Variants in ERBB4 observed in about 807,000 individuals in gnomAD.
The protein encoded by ERBB4 is receptor tyrosine-protein kinase erbB-4.
In ERBB4, 42 loss-of-function variants were observed where a neutral mutation model predicts 158.0. That is an observed-to-expected ratio of 0.27 (90% CI 0.21 to 0.34). The LOEUF (loss-of-function observed/expected upper bound fraction) is 0.34, where lower values mean the gene tolerates loss of function less well. ERBB4 is among the 10% of genes least tolerant of loss of function. ERBB4 has a pLI of 1.00. For missense variants in ERBB4, 1,333 were observed against 1,624.1 expected, an observed-to-expected ratio of 0.82 and a Z score of 3.08; for synonymous variants, 583 against 558.7, an observed-to-expected ratio of 1.04 and a Z score of -0.61.
intron 1 of ERBB4, among the ~76,000 whole-genome samples, chr2:212,240,253 C>T (rs540932742): frequency 1.2e-4 from 18 of 152,224 alleles, no homozygotes; most frequent in African/African-American, 4.3e-4. Context: ...AAAAACGTCA[C>T]TCTCACCTTC....
chr2:211,861,080 AT>A (rs1260249688), intron 3 of ERBB4, among the ~76,000 whole-genome samples: 1,355 of 52,852 alleles, frequency 0.026, 189 homozygotes, highest in African/African-American at 0.042. Context: ...ATATTTATAT[AT>A]TATAAAATAT....
intron 1 of ERBB4, among the ~76,000 whole-genome samples, chr2:212,210,062 T>C (rs1262626002): frequency 1.3e-5 from 2 of 152,088 alleles, no homozygotes; most frequent in Non-Finnish European, 2.9e-5. Flanking sequence ...AAGGACATAC[T>C]GGACACTCTT....
intron 3 of ERBB4, among the ~76,000 whole-genome samples, chr2:211,813,826 C>T (rs1000100479): frequency 9.2e-5 from 14 of 152,128 alleles, no homozygotes; most frequent in African/African-American, 3.4e-4. Context: ...CTTTAAACGA[C>T]TCTCAAAATT....
chr2:212,344,340 C>G (rs966601646), intron 1 of ERBB4, among the ~76,000 whole-genome samples: 1 of 152,034 alleles, frequency 6.6e-6, no homozygotes, highest in African/African-American at 2.4e-5. Flanking sequence ...CCTCCTCTAC[C>G]CAGTTGCGAC....
intron 2 of ERBB4, among the ~76,000 whole-genome samples, chr2:212,059,024 T>C (rs981997401): frequency 5.3e-5 from 8 of 152,328 alleles, no homozygotes; most frequent in Admixed American, 3.3e-4. Context: ...GATGACATGA[T>C]TGTATATTTA....
At chr2:211,601,517 T>C (rs2068800093) in intron 19 of ERBB4, among the ~76,000 whole-genome samples, 1 of 151,662 alleles carries the variant, frequency 6.6e-6, no homozygotes, top group African/African-American at 2.4e-5. Context: ...CCAACTTTCA[T>C]TGCTTGGAAA....
At chr2:212,098,594 A>C (rs1035316050) in intron 2 of ERBB4, among the ~76,000 whole-genome samples, 2 of 152,158 alleles carry the variant, frequency 1.3e-5, no homozygotes, top group Non-Finnish European at 2.9e-5. Flanking sequence ...AAGACCTGCT[A>C]GTCCCTTGGG....
At chr2:211,677,742 C>T (rs530192317) in intron 13 of ERBB4, among the ~76,000 whole-genome samples, 322 of 151,900 alleles carry the variant, frequency 2.1e-3, no homozygotes, top group African/African-American at 7.5e-3. Flanking sequence ...GGCGTGGTGG[C>T]GGGCGCCTGT....
chr2:211,888,857 G>T (rs1334423279), intron 3 of ERBB4, among the ~76,000 whole-genome samples: 3 of 151,688 alleles, frequency 2.0e-5, no homozygotes, highest in South Asian at 2.1e-4. Context: ...AAAAAACGGC[G>T]AACCATGAGA....
intron 19 of ERBB4, among the ~76,000 whole-genome samples, chr2:211,580,820 TA>T (rs2068058504): frequency 2.5e-5 from 1 of 40,306 alleles, no homozygotes; most frequent in African/African-American, 4.7e-5. Context: ...ATAATATATA[TA>T]TATTATATAT....
At chr2:211,939,413 T>C (rs2080422198) in intron 3 of ERBB4, among the ~76,000 whole-genome samples, 1 of 151,410 alleles carries the variant, frequency 6.6e-6, no homozygotes, top group Non-Finnish European at 1.5e-5. Context: ...TGAAAGGAAC[T>C]GAAAGCAGTT....
At chr2:212,147,058 T>C (rs1301520045) in intron 1 of ERBB4, among the ~76,000 whole-genome samples, 1 of 145,762 alleles carries the variant, frequency 6.9e-6, no homozygotes, top group East Asian at 2.0e-4. Context: ...TGGCAGGATC[T>C]TGGTTCACTG....
intron 3 of ERBB4, among the ~76,000 whole-genome samples, chr2:211,795,837 C>T (rs1482152381): frequency 6.6e-6 from 1 of 151,708 alleles, no homozygotes; most frequent in Non-Finnish European, 1.5e-5. Flanking sequence ...AGTATTCATT[C>T]TGGGTGATCA....
chr2:211,622,384 G>C (rs1181984438), intron 18 of ERBB4, among the ~76,000 whole-genome samples: 1 of 151,982 alleles, frequency 6.6e-6, no homozygotes, highest in African/African-American at 2.4e-5. Flanking sequence ...TCAAATTTTT[G>C]TCAAATTAAG....
intron 20 of ERBB4, among the ~76,000 whole-genome samples, chr2:211,501,599 A>AATGT (rs2065618456): frequency 6.6e-6 from 1 of 151,950 alleles, no homozygotes; most frequent in Non-Finnish European, 1.5e-5. Flanking sequence ...CCTGTTTCTG[A>AATGT]ATGTATATAC....
chr2:212,054,100 T>C (rs180955232), intron 2 of ERBB4, among the ~76,000 whole-genome samples: 34 of 152,208 alleles, frequency 2.2e-4, no homozygotes, highest in Admixed American at 2.2e-3. Context: ...GGGAAGAGTA[T>C]TGCACCTGTC....
At chr2:212,254,957 C>T (rs747307609) in intron 1 of ERBB4, among the ~76,000 whole-genome samples, 2 of 152,068 alleles carry the variant, frequency 1.3e-5, no homozygotes, top group Non-Finnish European at 2.9e-5. Flanking sequence ...ACCTAAGAGC[C>T]GAGTAAGGAG....
intron 3 of ERBB4, among the ~76,000 whole-genome samples, chr2:211,803,686 C>A (rs1157965803): frequency 1.3e-5 from 2 of 152,196 alleles, no homozygotes; most frequent in Non-Finnish European, 2.9e-5. Flanking sequence ...CTCTTCTATG[C>A]AAAGCACGTC....
chr2:212,192,065 T>C (rs1288986162), intron 1 of ERBB4, among the ~76,000 whole-genome samples: 2 of 126,058 alleles, frequency 1.6e-5, no homozygotes, highest in Admixed American at 1.7e-4. Context: ...GTTATATATG[T>C]TATATGTTAT....
Sources: allele counts gnomAD v4.1 joint callset (sites outside exome capture counted in the v4.1 genomes callset), GRCh38; gene constraint gnomAD v4.1.1; transcripts MANE v1.5; gene names NCBI Gene and HGNC (gene_info 2026-07-23, HGNC 2026-07-21).